The following OR51B5 variants were observed in gnomAD, a reference collection of about 807,000 sequenced individuals.
OR51B5 encodes the protein olfactory receptor family 51 subfamily B member 5.
For missense variants in OR51B5, 456 were observed against 374.6 expected (o/e 1.22, Z -1.79); for synonymous variants, 186 against 144.8 (o/e 1.28, Z -2.04).
chr11:5,485,010 CTT>C (rs1851479566), intron 1 of OR51B5, among the ~76,000 whole-genome samples: 1 of 152,188 alleles, frequency 6.6e-6, no homozygotes, highest in Admixed American at 6.5e-5. Flanking sequence ...ATTGGCTACT[CTT>C]TCTCTGGCAA....
chr11:5,486,495 G>GT (rs1554897156), intron 1 of OR51B5, among the ~76,000 whole-genome samples: 2 of 152,060 alleles, frequency 1.3e-5, no homozygotes, highest in Non-Finnish European at 2.9e-5. Context: ...ACACGAAAAT[G>GT]TAAGACTCTG....
At chr11:5,376,810 A>G (rs984705999) in intron 1 of OR51B5, among the ~76,000 whole-genome samples, 7 of 151,020 alleles carry the variant, frequency 4.6e-5, no homozygotes, top group Non-Finnish European at 3.0e-5. Context: ...AAATTGTGGC[A>G]ATAATCAATA....
At chr11:5,376,194 A>T (rs576145853) in intron 1 of OR51B5, among the ~76,000 whole-genome samples, 1 of 152,122 alleles carries the variant, frequency 6.6e-6, no homozygotes, top group East Asian at 1.9e-4. Context: ...AAACTGAACA[A>T]CCTGCTCCTG....
At position 5,385,874 on chromosome 11, in the gene OR51B5, G is replaced by A. The variant is rs545908796; in HGVS notation, n.85-38964C>T. On this transcript the variant is annotated intron_variant and non_coding_transcript_variant, in intron 1 of 4. Coordinates refer to the OR51B5 transcript ENST00000415970. ...TGTATATTCTATAAAGTATTTATGA[G>A]TAAATCTATACACTTATATGTTATT... Among the ~76,000 whole-genome samples the A allele has an allele frequency of 2.9e-3, 437 of 148,464 alleles. 1 individual carries two copies. Among genetic ancestry groups the A allele is most frequent in the African/African-American group, 0.01 (413 of 40,720 alleles).
chr11:5,499,220 G>C (rs1230122870), intron 1 of OR51B5, among the ~76,000 whole-genome samples: 1 of 150,226 alleles, frequency 6.7e-6, no homozygotes, highest in Non-Finnish European at 1.5e-5. Flanking sequence ...TTAATGTGGA[G>C]ATATGATAGT....
intron 1 of OR51B5, among the ~76,000 whole-genome samples, chr11:5,396,684 A>C (rs1849877296): frequency 1.3e-5 from 2 of 151,976 alleles, no homozygotes; most frequent in South Asian, 2.1e-4. Context: ...GACTTTCTTC[A>C]CAGAATTGGA....
chr11:5,384,802 A>G (rs901659525), intron 1 of OR51B5, among the ~76,000 whole-genome samples: 1 of 152,200 alleles, frequency 6.6e-6, no homozygotes, highest in Non-Finnish European at 1.5e-5. Context: ...TAACTTCCCC[A>G]GTATCCAGGA....
At chr11:5,428,031 G>C (rs1483856534) in intron 1 of OR51B5, among the ~76,000 whole-genome samples, 2 of 152,044 alleles carry the variant, frequency 1.3e-5, no homozygotes, top group African/African-American at 2.4e-5. Context: ...TTAAATTCAT[G>C]ATGTCAGGTA....
intron 1 of OR51B5, among the ~76,000 whole-genome samples, chr11:5,354,056 A>G (rs1430238044): frequency 1.3e-5 from 2 of 152,192 alleles, no homozygotes; most frequent in African/African-American, 4.8e-5. Flanking sequence ...CTACTGTATT[A>G]CAGAACTTCT....
rs111495914 is a variant in OR51B5, at chr11:5,352,977, T to C, written n.85-6067A>G. Reference sequence around the variant, plus strand: ...CACCGGCATTTCAGTCAATGCCCATTGCTCTCCATATGGCTTGCATATATT... The same window carrying C: ...CACCGGCATTTCAGTCAATGCCCATCGCTCTCCATATGGCTTGCATATATT... On this transcript the variant is annotated intron_variant and non_coding_transcript_variant, in intron 1 of 4. Coordinates refer to the OR51B5 transcript ENST00000415970. Among the ~76,000 whole-genome samples, 1,349 of 150,984 alleles carry C rather than the reference T, an allele frequency of 8.9e-3. 12 individuals carry two copies. Among genetic ancestry groups the C allele is most frequent in the Non-Finnish European group, 0.016 (1,095 of 67,784 alleles).
intron 1 of OR51B5, among the ~76,000 whole-genome samples, chr11:5,375,205 A>G (rs1316694843): frequency 6.8e-6 from 1 of 147,072 alleles, no homozygotes; most frequent in Non-Finnish European, 1.5e-5. Flanking sequence ...AAGAATTTTC[A>G]ACACAGAATT....
intron 1 of OR51B5, among the ~76,000 whole-genome samples, chr11:5,367,404 T>A (rs1451992716): frequency 6.6e-6 from 1 of 152,176 alleles, no homozygotes; most frequent in Non-Finnish European, 1.5e-5. Flanking sequence ...CCCATTTTTA[T>A]GGTTATTTAT....
intron 1 of OR51B5, among the ~76,000 whole-genome samples, chr11:5,349,745 G>A (rs1475014750): frequency 1.3e-5 from 2 of 152,046 alleles, no homozygotes; most frequent in African/African-American, 4.8e-5. Context: ...GGCAGATTGA[G>A]CAATAATACC....
intron 1 of OR51B5, among the ~76,000 whole-genome samples, chr11:5,407,838 A>G (rs543926586): frequency 1.7e-4 from 26 of 152,070 alleles, no homozygotes; most frequent in Non-Finnish European, 3.1e-4. Flanking sequence ...TAATTACCAT[A>G]TATTTCCTCT....
chr11:5,363,008 G>A (rs1849308571), intron 1 of OR51B5, among the ~76,000 whole-genome samples: 1 of 57,294 alleles, frequency 1.7e-5, no homozygotes, highest in Non-Finnish European at 3.7e-5. Flanking sequence ...GCAGGGATTG[G>A]GGCATGAAGG....
intron 1 of OR51B5, among the ~76,000 whole-genome samples, chr11:5,361,348 G>A (rs1168080044): frequency 6.6e-6 from 1 of 152,144 alleles, no homozygotes; most frequent in Admixed American, 6.5e-5. Context: ...GGAGGAGAGA[G>A]GAGTGGGCCG....
chr11:5,439,347 T>C (rs1302405964), intron 1 of OR51B5, among the ~76,000 whole-genome samples: 1 of 152,148 alleles, frequency 6.6e-6, no homozygotes. Context: ...ATAAATCTAC[T>C]CTACTTCCCT....
chr11:5,397,197 C>G (rs1483965941), intron 1 of OR51B5, among the ~76,000 whole-genome samples: 2 of 152,142 alleles, frequency 1.3e-5, no homozygotes, highest in Non-Finnish European at 2.9e-5. Flanking sequence ...AGCCAAAATT[C>G]ACTAATGGGA....
At chr11:5,450,511 C>T (rs901317854) in intron 1 of OR51B5, among the ~76,000 whole-genome samples, 2 of 152,172 alleles carry the variant, frequency 1.3e-5, no homozygotes, top group Non-Finnish European at 2.9e-5. Context: ...ACTCCTGACA[C>T]CCTCGGGGTC....
Sources: allele counts gnomAD v4.1 joint callset (sites outside exome capture counted in the v4.1 genomes callset), GRCh38; gene constraint gnomAD v4.1.1; transcripts MANE v1.5; gene names NCBI Gene and HGNC (gene_info 2026-07-23, HGNC 2026-07-21).